DOCK2: variants seen among roughly 807,000 people sequenced by gnomAD.
DOCK2 encodes the protein dedicator of cytokinesis protein 2.
DOCK2 carries 87 observed loss-of-function variants against 248.9 expected under a neutral mutation model. The observed-to-expected ratio is 0.35, with a 90% CI of 0.29 to 0.42. The LOEUF is 0.42. Among genes scored for constraint, DOCK2 ranks in the 10% least tolerant of loss-of-function variants. The pLI is 1.00. For missense variants in DOCK2, 1,747 were observed against 2,300.2 expected, an observed-to-expected ratio of 0.76 and a Z score of 4.92; for synonymous variants, 805 against 821.6, an observed-to-expected ratio of 0.98 and a Z score of 0.35.
At chr5:170,071,069 G>A (rs577237111) in intron 46 of DOCK2, among the ~76,000 whole-genome samples, 13 of 152,200 alleles carry the variant, frequency 8.5e-5, no homozygotes, top group Admixed American at 6.5e-4. Context: ...CCCCAAACGA[G>A]GTTGACCTCA....
chr5:169,883,202 T>C, intron 27 of DOCK2: 3 of 1,551,646 alleles, frequency 1.9e-6, no homozygotes, highest in Non-Finnish European at 2.6e-6. Context: ...AAAGGGTGTA[T>C]GGAGTTACTT....
At chr5:169,913,620 T>G (rs1048672432) in intron 27 of DOCK2, among the ~76,000 whole-genome samples, 2 of 152,234 alleles carry the variant, frequency 1.3e-5, no homozygotes, top group Non-Finnish European at 2.9e-5. Flanking sequence ...GTTTGTATGC[T>G]CTTGGCTTTC....
At chr5:169,765,278 G>A (rs901285937) in intron 25 of DOCK2, among the ~76,000 whole-genome samples, 6 of 152,216 alleles carry the variant, frequency 3.9e-5, no homozygotes, top group African/African-American at 1.4e-4. Flanking sequence ...AGTGGCACAT[G>A]TGGCTAGTTA....
rs113163634 is a variant in DOCK2 at position 169,903,675 on chromosome 5, C to G, written c.2799+62823C>G. Among the ~76,000 whole-genome samples the G allele has an allele frequency of 4.6e-3, 696 of 151,924 alleles. 6 individuals carry two copies. Among genetic ancestry groups the G allele is most frequent in the African/African-American group, 0.016 (658 of 41,432 alleles). ...TGGAACTGATAGAAGTTCAGACTTC[C>G]TAGAGGGTCGAACTTACTCGGGGCA... On this transcript the variant is annotated intron_variant, in intron 27 of 51. Coordinates refer to ENST00000520908, the MANE Select transcript of DOCK2 (RefSeq NM_004946.3).
At chr5:169,746,976 A>C (rs1394604835) in intron 22 of DOCK2, among the ~76,000 whole-genome samples, 1 of 152,238 alleles carries the variant, frequency 6.6e-6, no homozygotes, top group East Asian at 1.9e-4. Flanking sequence ...CTCATCCGAC[A>C]AACAGACAAT....
At chr5:169,754,372 G>T (rs1390485944) in intron 23 of DOCK2, among the ~76,000 whole-genome samples, 1 of 152,166 alleles carries the variant, frequency 6.6e-6, no homozygotes, top group East Asian at 1.9e-4. Context: ...CTTGAGGGAT[G>T]TACCTGGCCT....
At position 169,738,668 on chromosome 5, in the gene DOCK2, A is replaced by G. The variant is rs139619997; in HGVS notation, c.2268-8728A>G. Reference sequence around the variant, plus strand: ...AGCTAAGTCTTATGGGCCAGTATGTATGGAACATGTATGTAACGTGTTATT... The same window carrying G: ...AGCTAAGTCTTATGGGCCAGTATGTGTGGAACATGTATGTAACGTGTTATT... On this transcript the variant is annotated intron_variant, in intron 22 of 51. Coordinates refer to ENST00000520908, the MANE Select transcript of DOCK2 (RefSeq NM_004946.3). Among the ~76,000 whole-genome samples the G allele has an allele frequency of 2.0e-5, 3 of 152,344 alleles. No individual in the cohort carries two copies. In the East Asian group the frequency reaches 5.8e-4, roughly 29 times the overall value.
chr5:169,695,284 G>A (rs1384727463), intron 9 of DOCK2: 1 of 155,048 alleles, frequency 6.4e-6, no homozygotes, highest in Non-Finnish European at 1.4e-5. Context: ...AACTTCTGCT[G>A]TGTTGTAAGC....
chr5:169,810,639 A>G (rs543610230), intron 26 of DOCK2, among the ~76,000 whole-genome samples: 16 of 152,326 alleles, frequency 1.1e-4, no homozygotes, highest in African/African-American at 3.4e-4. Context: ...ATGCCAGCTC[A>G]AATGACCATG....
At chr5:169,968,230 G>A (rs1777373160) in intron 27 of DOCK2, among the ~76,000 whole-genome samples, 1 of 152,186 alleles carries the variant, frequency 6.6e-6, no homozygotes, top group Admixed American at 6.5e-5. Flanking sequence ...ATGGCTCAAG[G>A]CATTCAGCTA....
intron 25 of DOCK2, among the ~76,000 whole-genome samples, chr5:169,775,424 T>C (rs1025605957): frequency 1.3e-5 from 2 of 151,992 alleles, no homozygotes; most frequent in African/African-American, 2.4e-5. Context: ...ATAGTCTGTC[T>C]CTCTTTCTTT....
intron 27 of DOCK2, among the ~76,000 whole-genome samples, chr5:169,904,022 G>A (rs543857425): frequency 2.7e-5 from 4 of 150,164 alleles, no homozygotes; most frequent in South Asian, 2.1e-4. Context: ...GAGCCTGGGA[G>A]GCAGAGGTTG....
intron 46 of DOCK2, 93 bp downstream of exon 46, chr5:170,069,313 C>G: frequency 3.1e-6 from 4 of 1,303,236 alleles, no homozygotes; most frequent in South Asian, 1.3e-5. Context: ...GCTGAGGCAG[C>G]CTGAATTCAC....
intron 22 of DOCK2, among the ~76,000 whole-genome samples, chr5:169,745,633 C>T (rs1026893480): frequency 3.9e-5 from 6 of 152,112 alleles, no homozygotes; most frequent in African/African-American, 7.2e-5. Flanking sequence ...TGGCATGTTG[C>T]GTGAGCTTCA....
chr5:170,045,970 C>T (rs1756693803), intron 39 of DOCK2, 65 bp downstream of exon 39: 2 of 1,511,778 alleles, frequency 1.3e-6, no homozygotes, highest in African/African-American at 2.7e-5. Flanking sequence ...CAGCTCACCC[C>T]AGATCCTGGG....
rs192705262 is a variant in DOCK2, at chr5:169,661,654, A to T, written c.127+7168A>T. Among the ~76,000 whole-genome samples the T allele has an allele frequency of 1.7e-4, 26 of 152,054 alleles. No homozygotes were observed. The East Asian group carries it at 4.8e-3, about 28-fold the overall frequency. On this transcript the variant is annotated intron_variant, in intron 2 of 51. Coordinates refer to ENST00000520908, the MANE Select transcript of DOCK2 (RefSeq NM_004946.3). ...TACCCTCCCTGGTAACCCCTGTTTC[A>T]TTCTCTATGTCTGTATATTTGACTC...
At chr5:169,942,117 G>A (rs1237399498) in intron 27 of DOCK2, among the ~76,000 whole-genome samples, 1 of 152,172 alleles carries the variant, frequency 6.6e-6, no homozygotes, top group Non-Finnish European at 1.5e-5. Flanking sequence ...CTTTTCCAAG[G>A]TATCAGGAAG....
chr5:169,696,023 C>A (rs114859669), intron 10 of DOCK2, 85 bp downstream of exon 10: 16 of 1,468,564 alleles, frequency 1.1e-5, no homozygotes, highest in Admixed American at 2.6e-5. Context: ...GTTTCCCAAC[C>A]GCCTCCTGCT....
chr5:169,777,171 GCA>G (rs144482513), intron 25 of DOCK2, among the ~76,000 whole-genome samples: 1 of 152,014 alleles, frequency 6.6e-6, no homozygotes, highest in East Asian at 1.9e-4. Flanking sequence ...AAAGGTGCAT[GCA>G]CACACACACA....
Sources: allele counts gnomAD v4.1 joint callset (sites outside exome capture counted in the v4.1 genomes callset), GRCh38; gene constraint gnomAD v4.1.1; transcripts MANE v1.5; gene names NCBI Gene and HGNC (gene_info 2026-07-23, HGNC 2026-07-21).